RANGAP1: variants seen among roughly 807,000 people sequenced by gnomAD.
RANGAP1 encodes the protein ran GTPase-activating protein 1.
In RANGAP1, 38 loss-of-function variants were observed where a neutral mutation model predicts 63.5. The observed-to-expected ratio is 0.60, with a 90% CI of 0.46 to 0.78. RANGAP1 has a LOEUF of 0.78. Among genes scored for constraint, RANGAP1 ranks in the 30% least tolerant of loss-of-function variants. The probability of loss-of-function intolerance (pLI) is 0.00; values close to 1 mark genes in which losing one functional copy is unlikely to be tolerated. For synonymous variants in RANGAP1, 329 were observed against 310.5 expected, an observed-to-expected ratio of 1.06 and a Z score of -0.63; for missense variants, 630 against 740.3, an observed-to-expected ratio of 0.85 and a Z score of 1.73.
intron 3 of RANGAP1, among the ~76,000 whole-genome samples, chr22:41,269,597 T>C (rs1020707785): frequency 6.6e-6 from 1 of 151,942 alleles, no homozygotes; most frequent in Non-Finnish European, 1.5e-5. Flanking sequence ...TAGCCGGGCA[T>C]GGTGGTGCAC....
rs186341086 is a variant in RANGAP1 at position 41,279,395 on chromosome 22, G to A, written c.112+1538C>T. 5.0e-4 allele frequency among the ~76,000 whole-genome samples: 76 copies of A among 151,158 alleles called. 1 individual carries two copies. The highest frequency in any genetic ancestry group is 6.9e-3 in the Middle Eastern group (2 of 288). On this transcript the variant is annotated intron_variant, in intron 2 of 15. Coordinates refer to ENST00000356244, the MANE Select transcript of RANGAP1 (RefSeq NM_002883.4). ...TGAGGCAGGAGAATGGCGTGAACCA[G>A]GGAGGCAGAGCTTACAGTGAGCCGA...
chr22:41,255,972 G>GAA, intron 10 of RANGAP1, 49 bp downstream of exon 10: 1 of 1,548,940 alleles, frequency 6.5e-7, no homozygotes, highest in Non-Finnish European at 8.8e-7. Flanking sequence ...AAGAAAGAAA[G>GAA]AAAGGAATGG....
chr22:41,285,648 G>A, intron 1 of RANGAP1: 1 of 985,450 alleles, frequency 1.0e-6, no homozygotes, highest in South Asian at 4.7e-5. Flanking sequence ...GCAAATGATA[G>A]GCGGGCGGCG....
rs1410140904 is a variant in RANGAP1, at chr22:41,286,042, G to A, written c.-95C>T. The A allele has an allele frequency of 2.0e-5, 3 of 152,334 alleles. No homozygotes were observed. The highest frequency in any genetic ancestry group is 2.1e-4 in the South Asian group (1 of 4,832). The allele number at this position is 152,334 out of a possible 1,614,324, so 9.4% of individuals were successfully genotyped here. A position where few individuals can be genotyped will look rare whatever the true frequency, so the allele number is the denominator to read the frequency against. ...ATCGAGCGCGCGCCTCCGCCCTCTGGGGCGGGGACGGATTTAGGGTCCGGG... is the reference window on the plus strand; with the variant it reads ...ATCGAGCGCGCGCCTCCGCCCTCTGAGGCGGGGACGGATTTAGGGTCCGGG... On this transcript the variant is annotated 5_prime_UTR_variant, in exon 1 of 16. Transcript: ENST00000356244.
At chr22:41,277,224 C>A (rs1026869242) in intron 2 of RANGAP1, among the ~76,000 whole-genome samples, 1 of 150,862 alleles carries the variant, frequency 6.6e-6, no homozygotes, top group Non-Finnish European at 1.5e-5. Flanking sequence ...ACTACAGGCG[C>A]CCGCCACTAC....
intron 3 of RANGAP1, among the ~76,000 whole-genome samples, chr22:41,274,170 G>T (rs1399987902): frequency 6.6e-6 from 1 of 151,720 alleles, no homozygotes; most frequent in Non-Finnish European, 1.5e-5. Flanking sequence ...TGCGGCATTT[G>T]AGCTGAGGCC....
At chr22:41,262,515 C>T (rs951871784) in intron 5 of RANGAP1, among the ~76,000 whole-genome samples, 1 of 152,170 alleles carries the variant, frequency 6.6e-6, no homozygotes, top group African/African-American at 2.4e-5. Flanking sequence ...GTGAATTGGC[C>T]AAGGTCACCC....
the RANGAP1 span, among the ~76,000 whole-genome samples, chr22:41,292,925 A>T: frequency 6.7e-6 from 1 of 148,492 alleles, no homozygotes; most frequent in African/African-American, 2.6e-5. Context: ...GCAACACAGC[A>T]AAACTCTGTC....
chr22:41,256,379 A>T (rs1290692062), intron 8 of RANGAP1, 89 bp from the exon 9 acceptor site: 2 of 1,328,588 alleles, frequency 1.5e-6, no homozygotes, highest in East Asian at 2.3e-5. Context: ...CCAAGTGAGG[A>T]TATGGCAGGC....
upstream of RANGAP1, among the ~76,000 whole-genome samples, chr22:41,290,900 A>C (rs1438196907): frequency 6.6e-6 from 1 of 152,310 alleles, no homozygotes; most frequent in East Asian, 1.9e-4. Context: ...AATTCCCAAC[A>C]CCCAACTGGG....
intron 2 of RANGAP1, among the ~76,000 whole-genome samples, chr22:41,279,244 C>A (rs557834886): frequency 6.6e-6 from 1 of 151,824 alleles, no homozygotes; most frequent in African/African-American, 2.4e-5. Flanking sequence ...CTGAGGCGGG[C>A]GAATCACCTG....
intron 4 of RANGAP1, among the ~76,000 whole-genome samples, chr22:41,266,315 T>TC (rs1000942162): frequency 4.0e-5 from 6 of 151,774 alleles, no homozygotes; most frequent in African/African-American, 1.5e-4. Flanking sequence ...AATTCTCTTA[T>TC]CCCCCTCTTA....
At chr22:41,268,509 T>C (rs5758273) in intron 3 of RANGAP1, among the ~76,000 whole-genome samples, 118,719 of 151,818 alleles carry the variant, frequency 0.78, 46,417 homozygotes, top group Admixed American at 0.82. Flanking sequence ...CCCACCTTGG[T>C]CTCCCAAAGT....
intron 2 of RANGAP1, among the ~76,000 whole-genome samples, chr22:41,279,148 A>T (rs535636889): frequency 2.3e-4 from 35 of 151,630 alleles, no homozygotes; most frequent in South Asian, 2.3e-3. Flanking sequence ...GTCTCAAAAA[A>T]AATAATAATA....
chr22:41,252,895 T>C lies in RANGAP1; in HGVS notation c.1357A>G (p.Ser453Gly). The change falls in exon 12 of 16, where the codon AGC (serine) becomes GGC (glycine). Residue 453 changes from serine to glycine, a missense_variant. By Grantham distance (56) the Ser-to-Gly change is moderately conservative (BLOSUM62 0). Coordinates refer to ENST00000356244, the MANE Select transcript of RANGAP1 (RefSeq NM_002883.4). ...PEKLLRLGPK[S>G]SVLIAQQTDT... ...ACCTGCTGGGCTATCAGCACGGAGC[T>C]CTTGGGCCCTAGGCGCAGCAGCTTC... 6.4e-7 allele frequency: 1 copy of C among 1,573,298 alleles called. No homozygotes were observed.
At chr22:41,274,486 G>A (rs746720965) in intron 3 of RANGAP1, 114 bp downstream of exon 3, 123 of 1,481,092 alleles carry the variant, frequency 8.3e-5, no homozygotes, top group Non-Finnish European at 9.6e-5. Flanking sequence ...AGCTGCTTGG[G>A]GTACAGCCAC....
intron 12 of RANGAP1, 71 bp downstream of exon 12, chr22:41,252,801 T>C: frequency 6.9e-7 from 1 of 1,444,682 alleles, no homozygotes. Flanking sequence ...CTCTGAGCTG[T>C]TCGTCCCTTT....
chr22:41,251,494 T>G (rs913306081), intron 12 of RANGAP1, among the ~76,000 whole-genome samples: 1 of 151,894 alleles, frequency 6.6e-6, no homozygotes, highest in African/African-American at 2.4e-5. Flanking sequence ...AGGTTGGTGG[T>G]GTGTGCCTAT....
chr22:41,283,076 C>A (rs550624686), intron 1 of RANGAP1, among the ~76,000 whole-genome samples: 5 of 152,174 alleles, frequency 3.3e-5, no homozygotes, highest in Admixed American at 2.0e-4. Context: ...TCCACTCATT[C>A]ATTCAAAAAC....
Sources: gnomAD v4.1 joint callset for allele counts (sites outside exome capture counted in the v4.1 genomes callset) on GRCh38, gnomAD v4.1.1 for gene constraint, MANE v1.5 for transcripts, NCBI Gene and HGNC (gene_info 2026-07-23, HGNC 2026-07-21) for gene names.